The following PHEX variants were observed in gnomAD, a reference collection of about 807,000 sequenced individuals.
PHEX encodes the protein phosphate-regulating neutral endopeptidase PHEX.
Under a neutral mutation model 68.0 loss-of-function variants are expected in PHEX, and 16 were observed. The ratio of observed to expected loss-of-function variants is 0.24; its 90% CI spans 0.16 to 0.36. The LOEUF is 0.36. PHEX is among the 10% of genes least tolerant of loss of function. PHEX has a pLI of 1.00. For missense variants in PHEX, 480 were observed against 575.5 expected (o/e 0.83, Z 1.70); for synonymous variants, 208 against 205.1 (o/e 1.01, Z -0.12).
Position 22,249,716 on chromosome X carries a change from A to T in PHEX, c.*1763A>T, listed in dbSNP as rs1936518807. 2 of 108,436 alleles carry T rather than the reference A, an allele frequency of 1.8e-5. No homozygotes were observed. Among genetic ancestry groups the T allele is most frequent in the South Asian group, 7.9e-4 (2 of 2,529 alleles). 8.9% of individuals were successfully genotyped at this position (108,436 alleles called of 1,213,427 possible). Reference sequence around the variant, plus strand: ...ACCTTAGTTTGTATTTCCAAAAACAAGCAGTATTAGGTTGGAATTGTATGT... The same window carrying T: ...ACCTTAGTTTGTATTTCCAAAAACATGCAGTATTAGGTTGGAATTGTATGT... On this transcript the variant is annotated 3_prime_UTR_variant, in exon 22 of 22. Transcript: ENST00000379374.
intron 12 of PHEX, among the ~76,000 whole-genome samples, chrX:22,161,453 G>C (rs1264607213): frequency 8.9e-6 from 1 of 112,540 alleles, no homozygotes; most frequent in Non-Finnish European, 1.9e-5. Flanking sequence ...CCAGGGAAAC[G>C]TACCTTGGTG....
chrX:22,243,372 G>A (rs1936289648), intron 20 of PHEX, among the ~76,000 whole-genome samples: 1 of 111,886 alleles, frequency 8.9e-6, no homozygotes, highest in Non-Finnish European at 1.9e-5. Context: ...ATAGGCATGG[G>A]CAAGGACTTT....
chrX:22,105,989 T>G (rs1476620742), intron 9 of PHEX, among the ~76,000 whole-genome samples: 2 of 112,248 alleles, frequency 1.8e-5, no homozygotes, highest in African/African-American at 6.5e-5. Context: ...TGTTGCTCTC[T>G]TTGTGGTGGG....
At chrX:22,224,613 C>G (rs1044021176) in intron 18 of PHEX, among the ~76,000 whole-genome samples, 1 of 111,150 alleles carries the variant, frequency 9.0e-6, no homozygotes, top group Non-Finnish European at 1.9e-5. Context: ...ATCTGCTACA[C>G]TCTCGGAGCT....
intron 1 of PHEX, among the ~76,000 whole-genome samples, chrX:22,034,799 A>T (rs776015233): frequency 4.5e-5 from 5 of 111,967 alleles, no homozygotes; most frequent in African/African-American, 6.5e-5. Flanking sequence ...TTTTCACAAG[A>T]CCCCCAGGGG....
intron 10 of PHEX, among the ~76,000 whole-genome samples, chrX:22,113,504 C>T (rs1049142754): frequency 3.6e-5 from 4 of 112,001 alleles, no homozygotes; most frequent in African/African-American, 1.3e-4. Context: ...GACCCAGGTC[C>T]TGCTTGGGAA....
chrX:22,226,821 A>G (rs1034014539), intron 19 of PHEX, among the ~76,000 whole-genome samples: 2 of 111,650 alleles, frequency 1.8e-5, no homozygotes, highest in Non-Finnish European at 3.8e-5. Flanking sequence ...CCTTGGGGCT[A>G]GGTTCATTTG....
chrX:22,127,771 G>C (rs779369857), intron 11 of PHEX, among the ~76,000 whole-genome samples: 3 of 109,698 alleles, frequency 2.7e-5, no homozygotes, highest in Non-Finnish European at 1.9e-5. Context: ...GAGAAGACAA[G>C]GGCAAAGAGC....
intron 14 of PHEX, among the ~76,000 whole-genome samples, chrX:22,180,459 T>C (rs777025254): frequency 3.7e-5 from 4 of 109,369 alleles, no homozygotes; most frequent in African/African-American, 6.9e-5. Context: ...GTTAGTTTTC[T>C]ACTAAGTTGG....
chrX:22,126,168 T>A (rs1238801098), intron 11 of PHEX, among the ~76,000 whole-genome samples: 1 of 112,505 alleles, frequency 8.9e-6, no homozygotes, highest in Non-Finnish European at 1.9e-5. Context: ...ACTTTTTTGT[T>A]TGCTTACATA....
At chrX:22,092,005 T>C (rs1222745812) in intron 6 of PHEX, among the ~76,000 whole-genome samples, 1 of 111,664 alleles carries the variant, frequency 9.0e-6, no homozygotes, top group Admixed American at 9.4e-5. Flanking sequence ...CACCTGGCCC[T>C]ACCCTTGACA....
intron 15 of PHEX, among the ~76,000 whole-genome samples, chrX:22,210,960 TAAG>T (rs922508266): frequency 4.5e-5 from 5 of 111,093 alleles, no homozygotes; most frequent in African/African-American, 6.6e-5. Context: ...AAAAAAAAGT[TAAG>T]AAGAGGGAGG....
rs1276498205 is a variant in PHEX at position 22,249,663 on chromosome X, T to C, written c.*1710T>C. On this transcript the variant is annotated 3_prime_UTR_variant, in exon 22 of 22. Coordinates refer to ENST00000379374, the MANE Select transcript of PHEX (RefSeq NM_000444.6). ...ATAAACTTGTGAAGGGCAGCTACCT[T>C]GTCCTCCTCTTAACCTGGCTTAATG... The C allele has an allele frequency of 9.4e-6, 1 of 106,381 alleles. No individual in the cohort carries two copies. Among genetic ancestry groups the C allele is most frequent in the African/African-American group, 3.5e-5 (1 of 28,751 alleles). The allele number at this position is 106,381 out of a possible 1,213,427, so 8.8% of individuals were successfully genotyped here.
chrX:22,079,255 C>G (rs1300464464), intron 5 of PHEX, among the ~76,000 whole-genome samples: 2 of 111,541 alleles, frequency 1.8e-5, no homozygotes, highest in African/African-American at 6.5e-5. Context: ...TGGATCTATT[C>G]AATTGAATTT....
chrX:22,045,967 C>T (rs531893497), intron 2 of PHEX, among the ~76,000 whole-genome samples: 31 of 112,557 alleles, frequency 2.8e-4, no homozygotes, highest in African/African-American at 9.3e-4. Context: ...TTCCATTAGC[C>T]TTCACTGTGA....
chrX:22,178,251 T>G, intron 13 of PHEX, 22 bp from the exon 14 acceptor site: 1 of 998,949 alleles, frequency 1.0e-6, no homozygotes, highest in Non-Finnish European at 1.4e-6. Context: ...AGAACAATGA[T>G]GTTGTGGTTT....
At chrX:22,055,802 C>A (rs1428764608) in intron 3 of PHEX, among the ~76,000 whole-genome samples, 1 of 112,045 alleles carries the variant, frequency 8.9e-6, no homozygotes, top group African/African-American at 3.3e-5. Context: ...TCAGTTGATC[C>A]ACCTGCCTCT....
intron 20 of PHEX, among the ~76,000 whole-genome samples, chrX:22,243,487 G>A (rs1040944040): frequency 1.8e-5 from 2 of 111,919 alleles, no homozygotes; most frequent in African/African-American, 6.5e-5. Context: ...TCATCAGAGT[G>A]AACAGGCAAC....
chrX:22,123,872 C>T (rs1931600999), intron 11 of PHEX, among the ~76,000 whole-genome samples: 6 of 105,367 alleles, frequency 5.7e-5, no homozygotes, highest in Admixed American at 2.0e-4. Flanking sequence ...CGCCCTGTTG[C>T]CCAGGCTGGA....
Sources: gnomAD v4.1 joint callset for allele counts (sites outside exome capture counted in the v4.1 genomes callset) on GRCh38, gnomAD v4.1.1 for gene constraint, MANE v1.5 for transcripts, NCBI Gene and HGNC (gene_info 2026-07-23, HGNC 2026-07-21) for gene names.